The following RGS6 variants were observed in gnomAD, a reference collection of about 807,000 sequenced individuals.
The protein encoded by RGS6 is regulator of G protein signaling 6, also known as regulator of G-protein signaling 6.
Under a neutral mutation model 78.5 loss-of-function variants are expected in RGS6, and 30 were observed. The ratio of observed to expected loss-of-function variants is 0.38; its 90% CI spans 0.29 to 0.52. The LOEUF (loss-of-function observed/expected upper bound fraction) is 0.52. Among genes scored for constraint, RGS6 ranks in the 20% least tolerant of loss-of-function variants. RGS6 has a pLI of 0.85. For synonymous variants in RGS6, 206 were observed against 206.0 expected, an observed-to-expected ratio of 1.00 and a Z score of 0.00; for missense variants, 495 against 609.7, an observed-to-expected ratio of 0.81 and a Z score of 1.98.
At chr14:72,051,793 T>G (rs1422830347) in intron 2 of RGS6, among the ~76,000 whole-genome samples, 1 of 152,214 alleles carries the variant, frequency 6.6e-6, no homozygotes, top group Non-Finnish European at 1.5e-5. Context: ...AATTCTGTTC[T>G]TATCACTAAG....
chr14:72,029,757 GA>G (rs1025839574), intron 2 of RGS6, among the ~76,000 whole-genome samples: 1 of 151,902 alleles, frequency 6.6e-6, no homozygotes, highest in Non-Finnish European at 1.5e-5. Flanking sequence ...TTTGGATAAG[GA>G]AAAAAAATAA....
chr14:72,538,485 G>A (rs1035442841), intron 16 of RGS6, among the ~76,000 whole-genome samples: 2 of 152,240 alleles, frequency 1.3e-5, no homozygotes, highest in African/African-American at 4.8e-5. Flanking sequence ...CAGTGATGAT[G>A]GTTTTCCAGG....
At chr14:71,875,809 G>A in the RGS6 span, among the ~76,000 whole-genome samples, 1 of 152,174 alleles carries the variant, frequency 6.6e-6, no homozygotes, top group Non-Finnish European at 1.5e-5. Context: ...TCTACACACT[G>A]CTTTAAATGT....
At chr14:72,317,237 C>T (rs1235045034) in intron 2 of RGS6, among the ~76,000 whole-genome samples, 1 of 151,866 alleles carries the variant, frequency 6.6e-6, no homozygotes, top group Non-Finnish European at 1.5e-5. Flanking sequence ...AGTGGTATTG[C>T]TGCCAATAAT....
chr14:72,142,116 T>C (rs753627472), intron 2 of RGS6, among the ~76,000 whole-genome samples: 29 of 152,118 alleles, frequency 1.9e-4, no homozygotes, highest in Non-Finnish European at 5.9e-5. Context: ...CGGTGCTGAG[T>C]TCTTAAAAAA....
Position 72,563,344 on chromosome 14 carries a change from A to AG in RGS6, c.*881dup, listed in dbSNP as rs1332487182. 6.5e-6 allele frequency: 1 copy of AG among 153,324 alleles called. No homozygotes were observed. The highest frequency in any genetic ancestry group is 1.9e-4 in the East Asian group (1 of 5,244). The allele number at this position is 153,324 out of a possible 1,614,324, so 9.5% of individuals were successfully genotyped here. On this transcript the variant is annotated 3_prime_UTR_variant, in exon 18 of 18. Coordinates refer to ENST00000553525, the MANE Select transcript of RGS6 (RefSeq NM_001204424.2). ...TCAAAATAAACATGGCCATGAACTC[A>AG]GGGGCCATTGGGATTCTCCCCTCTG... is the stretch of plus-strand genomic sequence containing the variant.
the RGS6 span, among the ~76,000 whole-genome samples, chr14:72,627,484 C>G: frequency 1.3e-5 from 2 of 152,000 alleles, no homozygotes; most frequent in Non-Finnish European, 2.9e-5. Flanking sequence ...TATTTATGGG[C>G]TTTCTATTCT....
intron 6 of RGS6, among the ~76,000 whole-genome samples, 154 bp from the exon 7 acceptor site, chr14:72,465,603 TG>T (rs1445751580): frequency 7.7e-5 from 10 of 129,040 alleles, no homozygotes; most frequent in African/African-American, 2.6e-4. Flanking sequence ...GATGGATGGT[TG>T]GGTGGATGGG....
intron 2 of RGS6, 117 bp from the exon 3 acceptor site, chr14:72,351,978 C>T: frequency 1.4e-6 from 1 of 716,528 alleles, no homozygotes; most frequent in Non-Finnish European, 2.3e-6. Context: ...TAGATGGGAG[C>T]TTTTTGTGAT....
intron 2 of RGS6, among the ~76,000 whole-genome samples, chr14:72,233,118 AAGGTCCTTGTTCATCCTAGTC>A (rs2050088803): frequency 6.6e-6 from 1 of 152,184 alleles, no homozygotes; most frequent in East Asian, 1.9e-4. Flanking sequence ...CAGGCCCCAG[AAGGTCCTTGTTCATCCTAGTC>A]AGGTCCTTCA....
intron 2 of RGS6, among the ~76,000 whole-genome samples, chr14:72,243,517 G>A (rs2053458823): frequency 6.6e-6 from 1 of 151,792 alleles, no homozygotes; most frequent in Admixed American, 6.5e-5. Flanking sequence ...TCTCTCCATT[G>A]CATATTTGCT....
chr14:72,531,431 CA>C (rs58751762), intron 15 of RGS6, among the ~76,000 whole-genome samples: 4,716 of 66,748 alleles, frequency 0.071, 128 homozygotes, highest in African/African-American at 0.16. Flanking sequence ...GACTTTATCT[CA>C]AAAAAAAAAA....
At chr14:72,064,107 G>A (rs1177251731) in intron 2 of RGS6, among the ~76,000 whole-genome samples, 1 of 152,070 alleles carries the variant, frequency 6.6e-6, no homozygotes, top group Non-Finnish European at 1.5e-5. Context: ...TGTGGAAGTG[G>A]AGATGGGCAG....
chr14:72,077,905 C>A (rs1201229771), intron 2 of RGS6, among the ~76,000 whole-genome samples: 1 of 152,114 alleles, frequency 6.6e-6, no homozygotes, highest in Non-Finnish European at 1.5e-5. Flanking sequence ...AATTGTCTGT[C>A]TTTATCCCTC....
At chr14:72,020,732 G>A (rs1327437041) in intron 2 of RGS6, among the ~76,000 whole-genome samples, 1 of 152,174 alleles carries the variant, frequency 6.6e-6, no homozygotes, top group East Asian at 1.9e-4. Flanking sequence ...AGCATCTACT[G>A]TGTGCCAGGC....
chr14:72,017,431 C>A (rs2087275497), intron 2 of RGS6, among the ~76,000 whole-genome samples: 1 of 151,924 alleles, frequency 6.6e-6, no homozygotes, highest in South Asian at 2.1e-4. Context: ...TTTTTCTTGT[C>A]TTGATGTACT....
rs371186597 is a variant in RGS6 at position 72,199,711 on chromosome 14, T to C, written c.85-152384T>C. On this transcript the variant is annotated intron_variant, in intron 2 of 17. Coordinates refer to ENST00000553525, the MANE Select transcript of RGS6 (RefSeq NM_001204424.2). ...TAAGATAATTCTGACTATTGTTTTA[T>C]TGACTTTAGAACCAGATCCTTTGTA... Among the ~76,000 whole-genome samples, 6 of 152,328 alleles carry C rather than the reference T, an allele frequency of 3.9e-5. No individual in the cohort carries two copies. In the South Asian group the frequency reaches 1.2e-3, roughly 32 times the overall value.
intron 2 of RGS6, among the ~76,000 whole-genome samples, chr14:72,351,150 C>G (rs2079043057): frequency 6.6e-6 from 1 of 152,080 alleles, no homozygotes; most frequent in Non-Finnish European, 1.5e-5. Context: ...CCTGGTGTTT[C>G]AAAGATATTT....
intron 7 of RGS6, among the ~76,000 whole-genome samples, chr14:72,469,196 C>G (rs903313492): frequency 1.4e-5 from 2 of 145,800 alleles, no homozygotes; most frequent in South Asian, 2.2e-4. Flanking sequence ...GTAGACACTC[C>G]GTTTGGGGCA....
Sources: gnomAD v4.1 joint callset for allele counts (sites outside exome capture counted in the v4.1 genomes callset) on GRCh38, gnomAD v4.1.1 for gene constraint, MANE v1.5 for transcripts, NCBI Gene and HGNC (gene_info 2026-07-23, HGNC 2026-07-21) for gene names.